The following SGCD variants were observed in gnomAD, a reference collection of about 807,000 sequenced individuals.
The protein encoded by SGCD is delta-sarcoglycan.
In SGCD, 18 loss-of-function variants were observed where a neutral mutation model predicts 36.6. The ratio of observed to expected loss-of-function variants is 0.49; its 90% CI spans 0.34 to 0.73. The LOEUF is 0.73. SGCD is among the 30% of genes least tolerant of loss of function. The pLI, the probability that SGCD is intolerant of heterozygous loss-of-function variation, is 0.01. For missense variants in SGCD, 387 were observed against 346.7 expected (o/e 1.12, Z -0.92); for synonymous variants, 133 against 130.6 (o/e 1.02, Z -0.12).
At chr5:156,178,268 T>C (rs547963875) in intron 3 of SGCD, among the ~76,000 whole-genome samples, 6 of 152,316 alleles carry the variant, frequency 3.9e-5, no homozygotes, top group Admixed American at 2.0e-4. Flanking sequence ...CTACCCTTTG[T>C]GTAACTGAAT....
intron 1 of SGCD, among the ~76,000 whole-genome samples, chr5:156,009,834 A>G (rs1455208357): frequency 1.3e-5 from 2 of 152,204 alleles, no homozygotes; most frequent in Non-Finnish European, 2.9e-5. Context: ...TCATAGGCTA[A>G]CAACTGTCTA....
intron 3 of SGCD, among the ~76,000 whole-genome samples, chr5:156,397,060 G>A (rs1210469199): frequency 6.6e-6 from 1 of 152,184 alleles, no homozygotes; most frequent in Non-Finnish European, 1.5e-5. Flanking sequence ...TCACAAAGGA[G>A]CCCTGGAGGA....
intron 1 of SGCD, among the ~76,000 whole-genome samples, chr5:156,113,710 G>A (rs1189684565): frequency 4.6e-5 from 7 of 152,150 alleles, no homozygotes; most frequent in Admixed American, 2.6e-4. Flanking sequence ...ACCTGCACAT[G>A]GATGTTTGCA....
chr5:156,260,429 T>C (rs2127664904), intron 3 of SGCD, among the ~76,000 whole-genome samples: 1 of 152,316 alleles, frequency 6.6e-6, no homozygotes, highest in East Asian at 1.9e-4. Flanking sequence ...CAATATTTTA[T>C]AATTTTCAGA....
chr5:156,353,277 T>G (rs1258828591), intron 3 of SGCD, among the ~76,000 whole-genome samples: 1 of 152,220 alleles, frequency 6.6e-6, no homozygotes, highest in Non-Finnish European at 1.5e-5. Context: ...TAAATTAAAA[T>G]GTATAAAGAT....
At chr5:156,146,036 AC>A (rs563578715) in intron 3 of SGCD, among the ~76,000 whole-genome samples, 43 of 152,108 alleles carry the variant, frequency 2.8e-4, no homozygotes, top group Non-Finnish European at 5.9e-4. Flanking sequence ...ACATGGTGAA[AC>A]CCCGTCACTA....
the SGCD span, among the ~76,000 whole-genome samples, chr5:155,787,768 G>A: frequency 6.6e-6 from 1 of 152,088 alleles, no homozygotes; most frequent in Non-Finnish European, 1.5e-5. Context: ...ATCTACTGCA[G>A]CACTTCCTTT....
intron 4 of SGCD, among the ~76,000 whole-genome samples, chr5:156,511,007 C>T (rs576173769): frequency 1.8e-3 from 273 of 152,242 alleles, no homozygotes; most frequent in African/African-American, 6.0e-3. Flanking sequence ...GAGAGATATA[C>T]CTGCTTGTAA....
intron 6 of SGCD, among the ~76,000 whole-genome samples, chr5:156,603,738 T>G (rs1445373784): frequency 6.6e-6 from 1 of 152,094 alleles, no homozygotes; most frequent in Non-Finnish European, 1.5e-5. Flanking sequence ...TGATTTCTAG[T>G]TTTATACCAT....
chr5:155,904,979 G>A (rs1756471115), intron 1 of SGCD, among the ~76,000 whole-genome samples: 1 of 152,154 alleles, frequency 6.6e-6, no homozygotes, highest in African/African-American at 2.4e-5. Flanking sequence ...ATGGATCATA[G>A]CCATTCAACA....
chr5:156,398,360 A>T (rs905292699), intron 3 of SGCD, among the ~76,000 whole-genome samples: 2 of 152,142 alleles, frequency 1.3e-5, no homozygotes, highest in Non-Finnish European at 2.9e-5. Context: ...TAGAATCAGA[A>T]AGGCCTGTTG....
chr5:156,019,539 A>G (rs1362608381), intron 1 of SGCD, among the ~76,000 whole-genome samples: 5 of 152,200 alleles, frequency 3.3e-5, no homozygotes, highest in African/African-American at 9.6e-5. Context: ...AAAGATCAGT[A>G]ATTTTGGGGT....
intron 3 of SGCD, among the ~76,000 whole-genome samples, chr5:156,392,182 C>T (rs890763052): frequency 6.6e-6 from 1 of 152,136 alleles, no homozygotes; most frequent in African/African-American, 2.4e-5. Flanking sequence ...TAGATAGCAA[C>T]AAGACACTCA....
intron 3 of SGCD, among the ~76,000 whole-genome samples, chr5:156,131,942 C>T (rs17053242): frequency 0.07 from 10,614 of 152,204 alleles, 845 homozygotes; most frequent in African/African-American, 0.16. Flanking sequence ...TTTATTTTAT[C>T]TGTAGCTTTT....
chr5:155,992,022 A>G (rs886990445), intron 1 of SGCD, among the ~76,000 whole-genome samples: 1 of 152,120 alleles, frequency 6.6e-6, no homozygotes, highest in Non-Finnish European at 1.5e-5. Flanking sequence ...TTCCTCCCTT[A>G]TGGTTGAATC....
rs115741340 is a variant in SGCD at position 156,013,833 on chromosome 5, C to G, written c.-281-104045C>G. ...GTCTATGTCAGAATAATAGTTTTAT[C>G]ATTTGTTTTTATTTTTTAAGAGACA... On this transcript the variant is annotated intron_variant, in intron 1 of 9. Coordinates refer to the SGCD transcript ENST00000517913. Among the ~76,000 whole-genome samples, 585 of 151,570 alleles carry G rather than the reference C, an allele frequency of 3.9e-3. 3 individuals are homozygous for G. The highest frequency in any genetic ancestry group is 0.012 in the African/African-American group (513 of 41,328).
the SGCD span, among the ~76,000 whole-genome samples, chr5:155,732,614 C>T: frequency 6.6e-6 from 1 of 152,192 alleles, no homozygotes; most frequent in African/African-American, 2.4e-5. Flanking sequence ...TCTCACCACA[C>T]CAGTAGTTGT....
At chr5:155,957,585 C>G (rs1410165875) in intron 1 of SGCD, among the ~76,000 whole-genome samples, 1 of 152,096 alleles carries the variant, frequency 6.6e-6, no homozygotes, top group African/African-American at 2.4e-5. Flanking sequence ...GGTTTTGGCT[C>G]ATGGCCCTCT....
intron 4 of SGCD, among the ~76,000 whole-genome samples, chr5:156,555,434 A>G (rs1454869402): frequency 1.3e-5 from 2 of 152,104 alleles, no homozygotes; most frequent in Non-Finnish European, 2.9e-5. Context: ...ATTCTTTTAC[A>G]TATAGCTATT....
Sources: allele counts gnomAD v4.1 joint callset (sites outside exome capture counted in the v4.1 genomes callset), GRCh38; gene constraint gnomAD v4.1.1; transcripts MANE v1.5; gene names NCBI Gene and HGNC (gene_info 2026-07-23, HGNC 2026-07-21).